Variants in TRHDE observed in about 807,000 individuals in gnomAD.
The protein encoded by TRHDE is thyrotropin-releasing hormone-degrading ectoenzyme.
Under a neutral mutation model 125.7 loss-of-function variants are expected in TRHDE, and 72 were observed. The ratio of observed to expected loss-of-function variants is 0.57; its 90% CI spans 0.47 to 0.70. The LOEUF (loss-of-function observed/expected upper bound fraction) is 0.70. Ranked by LOEUF, TRHDE falls within the 30% of genes least tolerant of loss-of-function variation. The pLI, the probability that TRHDE is intolerant of heterozygous loss-of-function variation, is 0.00. For missense variants in TRHDE, 1,110 were observed against 1,327.1 expected, an observed-to-expected ratio of 0.84 and a Z score of 2.54; for synonymous variants, 509 against 509.1, an observed-to-expected ratio of 1.00 and a Z score of 0.00.
At chr12:72,587,644 G>A (rs1871497611) in intron 12 of TRHDE, among the ~76,000 whole-genome samples, 1 of 151,844 alleles carries the variant, frequency 6.6e-6, no homozygotes, top group East Asian at 1.9e-4. Context: ...TTAAAGGATT[G>A]CAGCTCATAT....
chr12:72,506,176 T>C (rs746144357), intron 6 of TRHDE, among the ~76,000 whole-genome samples: 9 of 152,172 alleles, frequency 5.9e-5, no homozygotes, highest in Non-Finnish European at 1.3e-4. Flanking sequence ...CTAGGCATCA[T>C]GGTGCATGTC....
rs576944145 is a variant in TRHDE, at chr12:72,273,118, G to A, written c.475G>A (p.Val159Met). 96 of 1,532,070 alleles carry A rather than the reference G, an allele frequency of 6.3e-5. No homozygotes were observed. In the South Asian group the frequency reaches 1.0e-3, roughly 16 times the overall value. The allele number at this position is 1,532,070 out of a possible 1,614,324, so 94.9% of individuals were successfully genotyped here. ...GDSWQPEAGG[V>M]ASPGTTSAQP... ...CTCCTGGCAGCCCGAGGCGGGTGGG[G>A]TGGCCAGTCCGGGGACCACGTCGGC... The change falls in exon 1 of 19, where the codon GTG (valine) becomes ATG (methionine). Residue 159 changes from valine to methionine, a missense_variant. Physicochemically the swap from Val to Met is conservative, Grantham distance 21 (BLOSUM62 1). This residue lies in a region of TRHDE where 248 missense variants were observed against 240.8 expected (regional missense o/e 1.03). Coordinates refer to ENST00000261180, the MANE Select transcript of TRHDE (RefSeq NM_013381.3). The surrounding 1 kb of genome is among the most constrained non-coding windows in gnomAD (Gnocchi z 5.3).
In TRHDE at chr12:72,525,738, T is replaced by C. The variant is rs182637270; in HGVS notation, c.1723-16553T>C. On this transcript the variant is annotated intron_variant, in intron 6 of 18. Transcript: ENST00000261180. Reference sequence around the variant, plus strand: ...AACCAGTTTGGGAGCAGCTGTTTGATTGTGGAAAGTCTTTACAGAGAAAGT... The same window carrying C: ...AACCAGTTTGGGAGCAGCTGTTTGACTGTGGAAAGTCTTTACAGAGAAAGT... Among the ~76,000 whole-genome samples the C allele has an allele frequency of 4.1e-3, 630 of 152,042 alleles. 2 individuals carry two copies. Among genetic ancestry groups the C allele is most frequent in the African/African-American group, 0.014 (575 of 41,466 alleles).
chr12:72,136,053 G>T (rs1875978250), intron 2 of TRHDE, among the ~76,000 whole-genome samples: 1 of 152,138 alleles, frequency 6.6e-6, no homozygotes, highest in African/African-American at 2.4e-5. Flanking sequence ...CCATGAATAT[G>T]TAGTGAAAGA....
intron 2 of TRHDE, among the ~76,000 whole-genome samples, chr12:72,336,715 G>C (rs1330147598): frequency 6.6e-6 from 1 of 152,190 alleles, no homozygotes; most frequent in Non-Finnish European, 1.5e-5. Flanking sequence ...AAAGTGGAAG[G>C]CCAGGAGATG....
intron 18 of TRHDE, among the ~76,000 whole-genome samples, chr12:72,660,928 G>A (rs947364268): frequency 1.3e-5 from 2 of 152,110 alleles, no homozygotes; most frequent in African/African-American, 2.4e-5. Context: ...GTGAGCATGC[G>A]CTAGGGCCAG....
intron 1 of TRHDE, among the ~76,000 whole-genome samples, chr12:72,099,383 G>A (rs754729485): frequency 6.6e-6 from 1 of 152,112 alleles, no homozygotes; most frequent in Non-Finnish European, 1.5e-5. Context: ...TATTGCAGAG[G>A]GTAACTGTGA....
At chr12:72,155,741 G>A (rs1015110364) in intron 2 of TRHDE, among the ~76,000 whole-genome samples, 9 of 152,176 alleles carry the variant, frequency 5.9e-5, no homozygotes, top group Non-Finnish European at 1.0e-4. Flanking sequence ...CTGCCTGATC[G>A]TTCCTCTGGA....
chr12:72,533,704 A>C (rs566326501), intron 6 of TRHDE, among the ~76,000 whole-genome samples: 16 of 82,468 alleles, frequency 1.9e-4, no homozygotes, highest in African/African-American at 7.0e-4. Context: ...CTTCTCAACC[A>C]TTTCTTTGTT....
intron 2 of TRHDE, among the ~76,000 whole-genome samples, chr12:72,183,812 A>G (rs1248496983): frequency 1.3e-5 from 2 of 152,202 alleles, no homozygotes; most frequent in Non-Finnish European, 2.9e-5. Context: ...TAATGACAGT[A>G]TAAAGGATTT....
At chr12:72,145,553 T>C (rs2139317136) in intron 2 of TRHDE, among the ~76,000 whole-genome samples, 1 of 152,324 alleles carries the variant, frequency 6.6e-6, no homozygotes, top group South Asian at 2.1e-4. Context: ...TCTAAGCTAG[T>C]ACCTGGCTGG....
intron 2 of TRHDE, among the ~76,000 whole-genome samples, chr12:72,323,974 A>G (rs1017097913): frequency 1.3e-5 from 2 of 152,092 alleles, no homozygotes; most frequent in African/African-American, 4.8e-5. Flanking sequence ...CAGCTTTGCT[A>G]CAAAGTTTTA....
At chr12:72,541,414 C>A (rs1029971613) in intron 6 of TRHDE, among the ~76,000 whole-genome samples, 1 of 151,328 alleles carries the variant, frequency 6.6e-6, no homozygotes, top group Non-Finnish European at 1.5e-5. Flanking sequence ...TGTTGTTCTG[C>A]CATATTATAA....
chr12:72,508,151 T>C (rs1199482270), intron 6 of TRHDE, among the ~76,000 whole-genome samples: 3 of 152,260 alleles, frequency 2.0e-5, no homozygotes, highest in East Asian at 3.9e-4. Context: ...TAGGGCAGTG[T>C]GGAGGGGAAA....
upstream of TRHDE, chr12:72,271,722 TAC>T: frequency 8.2e-6 from 3 of 364,568 alleles, no homozygotes; most frequent in Admixed American, 3.5e-5. Flanking sequence ...CCTGTGTATA[TAC>T]ACACACGCAC....
chr12:72,346,527 G>T (rs1270413887), intron 2 of TRHDE, among the ~76,000 whole-genome samples: 1 of 151,940 alleles, frequency 6.6e-6, no homozygotes, highest in Non-Finnish European at 1.5e-5. Context: ...TTCCACAAGG[G>T]GGTGCCATTT....
chr12:72,087,667 G>T (rs1328185292), intron 1 of TRHDE, among the ~76,000 whole-genome samples: 1 of 152,118 alleles, frequency 6.6e-6, no homozygotes, highest in Admixed American at 6.6e-5. Context: ...CATGGCATGG[G>T]ATAGCATGTG....
intron 9 of TRHDE, among the ~76,000 whole-genome samples, chr12:72,564,653 ATTTTTTTTTTTTTTT>A (rs538823843): frequency 3.5e-4 from 19 of 54,318 alleles, no homozygotes; most frequent in Non-Finnish European, 4.6e-4. Flanking sequence ...ATGCGTATGA[ATTTTTTTTTTTTTTT>A]TTTTTTTTTT....
intron 6 of TRHDE, among the ~76,000 whole-genome samples, chr12:72,512,009 T>G (rs535833519): frequency 6.6e-6 from 1 of 152,308 alleles, no homozygotes; most frequent in South Asian, 2.1e-4. Context: ...GATAGCTACT[T>G]TTGAATTCCT....
Sources: allele counts gnomAD v4.1 joint callset (sites outside exome capture counted in the v4.1 genomes callset), GRCh38; gene constraint gnomAD v4.1.1; regional missense constraint gnomAD v4.1.1; non-coding constraint Gnocchi (gnomAD v3.1); transcripts MANE v1.5; gene names NCBI Gene and HGNC (gene_info 2026-07-23, HGNC 2026-07-21).